Variants in LHFPL2 observed in about 807,000 individuals in gnomAD.
LHFPL2 encodes LHFPL tetraspan subfamily member 2, also known as LHFPL tetraspan subfamily member 2 protein.
In LHFPL2, 7 loss-of-function variants were observed where a neutral mutation model predicts 17.5. That is an observed-to-expected ratio of 0.40 (90% CI 0.23 to 0.75). The LOEUF (loss-of-function observed/expected upper bound fraction) is 0.75, where lower values mean the gene tolerates loss of function less well. Among genes scored for constraint, LHFPL2 ranks in the 30% least tolerant of loss-of-function variants. The pLI is 0.37. For synonymous variants in LHFPL2, 134 were observed against 116.2 expected (o/e 1.15, Z -0.99); for missense variants, 241 against 294.8 (o/e 0.82, Z 1.34).
intron 3 of LHFPL2, among the ~76,000 whole-genome samples, chr5:78,561,927 C>T (rs996155961): frequency 3.3e-5 from 5 of 152,122 alleles, no homozygotes; most frequent in Admixed American, 3.3e-4. Flanking sequence ...ACCCTAAATT[C>T]ACACTTTTCA....
At chr5:78,601,803 C>T (rs973974144) in intron 2 of LHFPL2, among the ~76,000 whole-genome samples, 2 of 152,136 alleles carry the variant, frequency 1.3e-5, no homozygotes, top group African/African-American at 2.4e-5. Flanking sequence ...AACTTTCAGT[C>T]TCTTCATGGG....
chr5:78,510,048 G>A lies in LHFPL2; in HGVS notation c.166C>T (p.Pro56Ser). The A allele has an allele frequency of 6.2e-7, 1 of 1,609,512 alleles. No homozygotes were observed. Among genetic ancestry groups the A allele is most frequent in the Non-Finnish European group, 8.5e-7 (1 of 1,178,130 alleles). ...TAGATGCCCAGGGTGGGGTGGTAGG[G>A]CTCCGGGGAGCCCCCGCCCGGGCCC... ...PAGPGGGSPEPYHPTLGIYAR... is the reference protein window; with the variant it reads ...PAGPGGGSPESYHPTLGIYAR... Residue 56 changes from proline to serine, a missense_variant, in exon 4 of 5, where the codon CCC becomes TCC. Coordinates refer to ENST00000380345, the MANE Select transcript of LHFPL2 (RefSeq NM_005779.3).
intron 3 of LHFPL2, among the ~76,000 whole-genome samples, chr5:78,512,134 G>C (rs1561314523): frequency 6.6e-6 from 1 of 152,054 alleles, no homozygotes; most frequent in Non-Finnish European, 1.5e-5. Context: ...CTGTAACATA[G>C]ATGACACCGT....
intron 1 of LHFPL2, among the ~76,000 whole-genome samples, chr5:78,640,994 T>C (rs1298243458): frequency 2.6e-5 from 4 of 152,182 alleles, no homozygotes; most frequent in African/African-American, 7.2e-5. Context: ...TCATCCCTGG[T>C]GGACATGAAA....
At position 78,488,672 on chromosome 5, in the gene LHFPL2, T is replaced by G. The variant is rs889391229; in HGVS notation, c.*225A>C. ...GAACTTGGCAACTCCAGGTCTAGGA[T>G]TATATACTATTTTCATGTTCCATTC... On this transcript the variant is annotated 3_prime_UTR_variant, in exon 5 of 5. Coordinates refer to ENST00000380345, the MANE Select transcript of LHFPL2 (RefSeq NM_005779.3). 2 of 552,794 alleles carry G rather than the reference T, an allele frequency of 3.6e-6. No homozygotes were observed. The highest frequency in any genetic ancestry group is 1.9e-5 in the African/African-American group (1 of 52,974). The allele number at this position is 552,794 out of a possible 1,614,324, so 34.2% of individuals were successfully genotyped here.
chr5:78,578,589 ACACAC>A (rs1757192877), intron 2 of LHFPL2, among the ~76,000 whole-genome samples: 8 of 48,556 alleles, frequency 1.6e-4, no homozygotes, highest in African/African-American at 9.5e-4. Context: ...ATATGTGCAC[ACACAC>A]ACACACACAC....
chr5:78,508,627 T>C (rs1262663392), intron 4 of LHFPL2, among the ~76,000 whole-genome samples: 1 of 152,232 alleles, frequency 6.6e-6, no homozygotes, highest in Non-Finnish European at 1.5e-5. Context: ...CTCAAGAGTT[T>C]GCTATGAGGC....
chr5:78,594,130 G>A (rs1447991399), intron 2 of LHFPL2, among the ~76,000 whole-genome samples: 1 of 152,132 alleles, frequency 6.6e-6, no homozygotes, highest in African/African-American at 2.4e-5. Context: ...TAAGTATGGG[G>A]GCCAGACAGT....
chr5:78,494,587 C>A lies in LHFPL2; in HGVS notation c.431-5434G>T, dbSNP rs1754546603. Reference sequence around the variant, plus strand: ...ATGGTCAGTCACTTGGACTGCCCAACAGGTGCCACCTCCAGCTGGAGACAG... The same window carrying A: ...ATGGTCAGTCACTTGGACTGCCCAAAAGGTGCCACCTCCAGCTGGAGACAG... On this transcript the variant is annotated intron_variant, in intron 4 of 4. Coordinates refer to ENST00000380345, the MANE Select transcript of LHFPL2 (RefSeq NM_005779.3). The A allele has an allele frequency of 5.9e-6, 5 of 841,072 alleles. No individual in the cohort carries two copies. In the South Asian group the frequency reaches 2.7e-4, roughly 46 times the overall value. The allele number at this position is 841,072 out of a possible 1,614,324, so 52.1% of individuals were successfully genotyped here. A position where few individuals can be genotyped will look rare whatever the true frequency, so the allele number is the denominator to read the frequency against.
In LHFPL2 at chr5:78,634,744, C is replaced by T. The variant is rs962835421; in HGVS notation, c.-349-2376G>A. ...AGAGGCAAAATGATTTGCCCAAGGC[C>T]GCAGAGCAAGCTAACAGCAAAGGAA... On this transcript the variant is annotated intron_variant, in intron 1 of 4. Transcript: ENST00000380345. 3.3e-5 allele frequency among the ~76,000 whole-genome samples: 5 copies of T among 152,324 alleles called. No homozygotes were observed. In the East Asian group the frequency reaches 7.7e-4, roughly 23 times the overall value.
At position 78,585,168 on chromosome 5, in the gene LHFPL2, G is replaced by C. The variant is rs1298798610; in HGVS notation, c.-244-20297C>G. On this transcript the variant is annotated intron_variant, in intron 2 of 4. Transcript: ENST00000380345. Reference sequence around the variant, plus strand: ...ACTACAGGTGCCCGCCACTACGCCCGGCTAATTTTTTGTATTTTTAGTAGA... The same window carrying C: ...ACTACAGGTGCCCGCCACTACGCCCCGCTAATTTTTTGTATTTTTAGTAGA... Among the ~76,000 whole-genome samples, 3 of 114,720 alleles carry C rather than the reference G, an allele frequency of 2.6e-5. 1 individual carries two copies. Among genetic ancestry groups the C allele is most frequent in the Non-Finnish European group, 2.0e-5 (1 of 49,704 alleles). 75.3% of individuals were successfully genotyped at this position (114,720 alleles called of 152,430 possible).
chr5:78,498,547 T>G (rs1410862437), intron 4 of LHFPL2, among the ~76,000 whole-genome samples: 1 of 152,178 alleles, frequency 6.6e-6, no homozygotes, highest in East Asian at 1.9e-4. Context: ...TAAGGCAAAC[T>G]GTCAGACAGT....
chr5:78,580,443 T>C (rs934561755), intron 2 of LHFPL2, among the ~76,000 whole-genome samples: 6 of 151,546 alleles, frequency 4.0e-5, no homozygotes, highest in Non-Finnish European at 4.4e-5. Context: ...TGAATGGTAA[T>C]GCCTAGGTTT....
chr5:78,581,900 G>A (rs1743158995), intron 2 of LHFPL2, among the ~76,000 whole-genome samples: 1 of 152,168 alleles, frequency 6.6e-6, no homozygotes, highest in Admixed American at 6.5e-5. Flanking sequence ...GTAGAATTCG[G>A]CTGTGAATCC....
At chr5:78,508,888 A>G (rs1016651196) in intron 4 of LHFPL2, among the ~76,000 whole-genome samples, 2 of 152,044 alleles carry the variant, frequency 1.3e-5, no homozygotes, top group African/African-American at 4.8e-5. Flanking sequence ...TTCTTTGGGG[A>G]TGTATTCAAA....
At chr5:78,552,617 C>T (rs767040458) in intron 3 of LHFPL2, among the ~76,000 whole-genome samples, 8 of 152,308 alleles carry the variant, frequency 5.3e-5, no homozygotes, top group East Asian at 1.9e-4. Context: ...TCCTCTGGCA[C>T]GGCCAAAGGC....
chr5:78,639,152 T>C (rs1385152105), intron 1 of LHFPL2, among the ~76,000 whole-genome samples: 2 of 152,030 alleles, frequency 1.3e-5, no homozygotes, highest in African/African-American at 4.8e-5. Context: ...ACACAAACTC[T>C]CACACCTTCC....
chr5:78,549,706 G>T (rs1041957769), intron 3 of LHFPL2, among the ~76,000 whole-genome samples: 1 of 152,186 alleles, frequency 6.6e-6, no homozygotes, highest in Admixed American at 6.5e-5. Flanking sequence ...TGGAAAGTCT[G>T]GTCATGAGTT....
At chr5:78,506,960 C>T (rs1754950505) in intron 4 of LHFPL2, among the ~76,000 whole-genome samples, 1 of 152,104 alleles carries the variant, frequency 6.6e-6, no homozygotes, top group Non-Finnish European at 1.5e-5. Context: ...AGATCAGCAC[C>T]AGCCCTCAGC....
Sources: gnomAD v4.1 joint callset for allele counts (sites outside exome capture counted in the v4.1 genomes callset) on GRCh38, gnomAD v4.1.1 for gene constraint, MANE v1.5 for transcripts, NCBI Gene and HGNC (gene_info 2026-07-23, HGNC 2026-07-21) for gene names.